The following PPM1B variants were observed in gnomAD, a reference collection of about 807,000 sequenced individuals.
PPM1B encodes the protein protein phosphatase 1B.
PPM1B carries 22 observed loss-of-function variants against 43.0 expected under a neutral mutation model. The ratio of observed to expected loss-of-function variants is 0.51; its 90% CI spans 0.37 to 0.73. The LOEUF is 0.73. Among genes scored for constraint, PPM1B ranks in the 30% least tolerant of loss-of-function variants. The probability of loss-of-function intolerance (pLI) is 0.00; values close to 1 mark genes in which losing one functional copy is unlikely to be tolerated. For synonymous variants in PPM1B, 217 were observed against 197.9 expected, an observed-to-expected ratio of 1.10 and a Z score of -0.81; for missense variants, 632 against 584.2, an observed-to-expected ratio of 1.08 and a Z score of -0.84.
At chr2:44,233,974 A>G (rs1302236084), downstream of PPM1B, 38 of 985,298 alleles carry the variant, frequency 3.9e-5, no homozygotes, top group Non-Finnish European at 4.3e-5. Flanking sequence ...CTGTACTGAT[A>G]GTACTTCCCA....
chr2:44,197,833 T>G (rs996507470), intron 1 of PPM1B, among the ~76,000 whole-genome samples: 1 of 152,166 alleles, frequency 6.6e-6, no homozygotes, highest in Non-Finnish European at 1.5e-5. Flanking sequence ...TTAAATGATA[T>G]AGTGTATATC....
At chr2:44,230,001 A>C in intron 5 of PPM1B, 2 of 1,588,260 alleles carry the variant, frequency 1.3e-6, no homozygotes, top group Non-Finnish European at 1.7e-6. Flanking sequence ...AGCAGAAATG[A>C]TGAAGAAACT....
At chr2:44,233,043 G>A (rs1169775823), downstream of PPM1B, 12 of 982,368 alleles carry the variant, frequency 1.2e-5, no homozygotes, top group Non-Finnish European at 1.5e-5. Flanking sequence ...GAAACCAAAT[G>A]GATTAATTTA....
At chr2:44,172,134 T>G (rs184818910) in intron 1 of PPM1B, among the ~76,000 whole-genome samples, 1 of 152,276 alleles carries the variant, frequency 6.6e-6, no homozygotes, top group Non-Finnish European at 1.5e-5. Context: ...AAATCATGAT[T>G]ATGGTAAGAT....
intron 1 of PPM1B, among the ~76,000 whole-genome samples, chr2:44,192,979 A>G (rs1668477818): frequency 6.6e-6 from 1 of 152,166 alleles, no homozygotes. Context: ...ATTGATGGAC[A>G]CTTAGGTTGA....
In PPM1B at chr2:44,230,622, A is replaced by G; in HGVS notation, c.1344A>G (p.Thr448=). 6.2e-7 allele frequency: 1 copy of G among 1,614,216 alleles called. No individual in the cohort carries two copies. Among genetic ancestry groups the G allele is most frequent in the Non-Finnish European group, 8.5e-7 (1 of 1,180,014 alleles). Residue 448 remains threonine, a synonymous_variant, in exon 6 of 6, where the codon ACA becomes ACG. Transcript: ENST00000282412. ...SSNSDAGNPV[T]MQESHTESES... is the part of the protein sequence containing the mutation. Reference sequence around the variant, plus strand: ...ACAGTGATGCTGGAAACCCAGTGACAATGCAGGAAAGCCATACTGAATCAG... The same window carrying G: ...ACAGTGATGCTGGAAACCCAGTGACGATGCAGGAAAGCCATACTGAATCAG...
chr2:44,245,845 A>G (rs1264469265), downstream of PPM1B, among the ~76,000 whole-genome samples: 1 of 152,210 alleles, frequency 6.6e-6, no homozygotes, highest in East Asian at 1.9e-4. Context: ...CTGCCTATGG[A>G]AATGAAACCT....
At chr2:44,244,006 G>A (rs1451409135) in intron 5 of PPM1B, among the ~76,000 whole-genome samples, 1 of 126,568 alleles carries the variant, frequency 7.9e-6, no homozygotes, top group Non-Finnish European at 1.8e-5. Flanking sequence ...AATGTCCCCA[G>A]TACAGTTTTG....
chr2:44,223,814 TAAAAAAAAAAAAAAAAAA>T (rs58530902), intron 5 of PPM1B, among the ~76,000 whole-genome samples: 10 of 36,058 alleles, frequency 2.8e-4, no homozygotes, highest in East Asian at 9.6e-4. Flanking sequence ...GGACTCTGTC[TAAAAAAAAAAAAAAAAAA>T]AAAAAAAAAA....
intron 2 of PPM1B, among the ~76,000 whole-genome samples, chr2:44,202,794 A>G (rs1398901644): frequency 2.0e-5 from 3 of 152,188 alleles, no homozygotes; most frequent in African/African-American, 4.8e-5. Context: ...CAGTAATAGA[A>G]AAAAAGTCCA....
chr2:44,225,332 T>C (rs573791746), intron 5 of PPM1B, among the ~76,000 whole-genome samples: 125 of 152,256 alleles, frequency 8.2e-4, no homozygotes, highest in African/African-American at 2.8e-3. Context: ...TGTGTAAAAA[T>C]AGGTGTGCTA....
downstream of PPM1B, among the ~76,000 whole-genome samples, chr2:44,236,605 T>G (rs1009697355): frequency 2.5e-4 from 38 of 152,060 alleles, 1 homozygote. Flanking sequence ...GACAGCCTCA[T>G]TAGTTTACTT....
At chr2:44,183,739 T>C (rs1004642236) in intron 1 of PPM1B, among the ~76,000 whole-genome samples, 5 of 152,198 alleles carry the variant, frequency 3.3e-5, no homozygotes, top group African/African-American at 1.2e-4. Flanking sequence ...ATCTTAGTTT[T>C]TTTTTCTTCT....
chr2:44,215,280 C>T (rs1669669087), intron 3 of PPM1B, among the ~76,000 whole-genome samples: 1 of 152,074 alleles, frequency 6.6e-6, no homozygotes. Context: ...CCAGCCTCGG[C>T]ATCATAGAGC....
intron 1 of PPM1B, among the ~76,000 whole-genome samples, chr2:44,188,761 T>TC (rs1301230712): frequency 1.1e-4 from 16 of 147,220 alleles, no homozygotes; most frequent in Non-Finnish European, 1.6e-4. Context: ...CTTCCTTCCT[T>TC]CTTTCCTTCC....
chr2:44,185,610 C>T (rs945899771), intron 1 of PPM1B, among the ~76,000 whole-genome samples: 4 of 152,100 alleles, frequency 2.6e-5, no homozygotes, highest in Non-Finnish European at 4.4e-5. Flanking sequence ...CTAAATTATT[C>T]TTGTATCTGG....
At chr2:44,186,164 T>G (rs1444805234) in intron 1 of PPM1B, among the ~76,000 whole-genome samples, 2 of 152,218 alleles carry the variant, frequency 1.3e-5, no homozygotes, top group Non-Finnish European at 2.9e-5. Context: ...TTAAGCTGGT[T>G]ATTAGATTTT....
chr2:44,226,162 A>G (rs1351199894), intron 5 of PPM1B, among the ~76,000 whole-genome samples: 1 of 151,818 alleles, frequency 6.6e-6, no homozygotes, highest in Non-Finnish European at 1.5e-5. Flanking sequence ...TTTTTAGTAG[A>G]GACAGGGTTT....
Position 44,210,931 on chromosome 2 carries a change from T to C in PPM1B, c.964+1604T>C, listed in dbSNP as rs139308968. ...GGTGCACGGCTCACGAGGTCAAGAG[T>C]TGGAGACCAGCCTGGCCAACATGGT... On this transcript the variant is annotated intron_variant, in intron 3 of 5. Transcript: ENST00000282412. 7.2e-3 allele frequency among the ~76,000 whole-genome samples: 1,094 copies of C among 151,842 alleles called. 11 individuals are homozygous for C. The highest frequency in any genetic ancestry group is 0.025 in the African/African-American group (1,033 of 41,374).
Sources: allele counts gnomAD v4.1 joint callset (sites outside exome capture counted in the v4.1 genomes callset), GRCh38; gene constraint gnomAD v4.1.1; transcripts MANE v1.5; gene names NCBI Gene and HGNC (gene_info 2026-07-23, HGNC 2026-07-21).